Variants in PDE4D observed in about 807,000 individuals in gnomAD.
The protein encoded by PDE4D is phosphodiesterase 4D.
PDE4D carries 24 observed loss-of-function variants against 87.4 expected under a neutral mutation model. That is an observed-to-expected ratio of 0.27 (90% CI 0.20 to 0.39). The LOEUF (loss-of-function observed/expected upper bound fraction) is 0.39, where lower values mean the gene tolerates loss of function less well. Ranked by LOEUF, PDE4D falls within the 10% of genes least tolerant of loss-of-function variation. The probability of loss-of-function intolerance (pLI) is 1.00; values close to 1 mark genes in which losing one functional copy is unlikely to be tolerated. For missense variants in PDE4D, 714 were observed against 1,041.0 expected (o/e 0.69, Z 4.32); for synonymous variants, 384 against 383.2 (o/e 1.00, Z -0.02).
intron 5 of PDE4D, among the ~76,000 whole-genome samples, chr5:59,071,853 A>G: frequency 6.6e-6 from 1 of 151,220 alleles, no homozygotes; most frequent in South Asian, 2.1e-4. Flanking sequence ...CGCCCAGCTA[A>G]TTTTTTTATA....
chr5:59,857,288 G>A lies in PDE4D; in HGVS notation c.455+35880C>T, dbSNP rs149504037. 3.3e-3 allele frequency among the ~76,000 whole-genome samples: 503 copies of A among 152,170 alleles called. 6 individuals carry two copies. Among genetic ancestry groups the A allele is most frequent in the African/African-American group, 0.011 (467 of 41,532 alleles). On this transcript the variant is annotated intron_variant, in intron 1 of 14. Coordinates refer to ENST00000340635, the MANE Select transcript of PDE4D (RefSeq NM_001104631.2). The stretch of plus-strand genomic sequence containing the variant: ...TTGGTATGGAGAATAATATTCTATT[G>A]TTATCACTTTTGTTGTACTTTCTGA...
intron 1 of PDE4D, among the ~76,000 whole-genome samples, chr5:60,306,228 T>C (rs1423843244): frequency 1.3e-5 from 2 of 152,036 alleles, no homozygotes; most frequent in African/African-American, 4.8e-5. Flanking sequence ...CTAAATGGCA[T>C]AGGCTAAAGA....
intron 1 of PDE4D, among the ~76,000 whole-genome samples, chr5:59,732,064 ATAGATCACTGCTG>A (rs1757434335): frequency 6.6e-6 from 1 of 152,214 alleles, no homozygotes. Context: ...ATCTGTCTAG[ATAGATCACTGCTG>A]CGCAAACATC....
intron 1 of PDE4D, among the ~76,000 whole-genome samples, chr5:59,693,684 A>C (rs1751320424): frequency 1.3e-5 from 2 of 152,154 alleles, no homozygotes; most frequent in Admixed American, 1.3e-4. Flanking sequence ...AGTTATTTGC[A>C]AAAAAAGTTA....
At chr5:59,604,060 A>G (rs2150041341) in intron 1 of PDE4D, among the ~76,000 whole-genome samples, 1 of 148,714 alleles carries the variant, frequency 6.7e-6, no homozygotes, top group East Asian at 2.0e-4. Flanking sequence ...TAATTTTAAA[A>G]TTTACTTAGA....
intron 1 of PDE4D, among the ~76,000 whole-genome samples, chr5:59,568,668 G>T (rs1450281071): frequency 6.6e-6 from 1 of 151,994 alleles, no homozygotes; most frequent in Non-Finnish European, 1.5e-5. Flanking sequence ...GTCTAATCAT[G>T]AAAAATCAAT....
intron 1 of PDE4D, among the ~76,000 whole-genome samples, chr5:59,386,090 C>T (rs548683688): frequency 2.6e-5 from 4 of 152,216 alleles, no homozygotes; most frequent in Non-Finnish European, 5.9e-5. Context: ...TCCATTCTCA[C>T]ACCTTTCCTT....
intron 1 of PDE4D, among the ~76,000 whole-genome samples, chr5:59,501,126 T>A (rs964020118): frequency 3.3e-5 from 5 of 152,292 alleles, no homozygotes; most frequent in Non-Finnish European, 4.4e-5. Context: ...CAAAATTATA[T>A]CTTTGAATAC....
intron 1 of PDE4D, among the ~76,000 whole-genome samples, chr5:60,446,011 TA>T (rs1286081077): frequency 6.6e-6 from 1 of 152,076 alleles, no homozygotes; most frequent in Non-Finnish European, 1.5e-5. Context: ...GAAAAATAAG[TA>T]AGGAACATTG....
intron 5 of PDE4D, among the ~76,000 whole-genome samples, chr5:59,170,356 C>A (rs1197790224): frequency 6.6e-6 from 1 of 152,120 alleles, no homozygotes; most frequent in Non-Finnish European, 1.5e-5. Flanking sequence ...GATAATACAA[C>A]ATTTTTGTCA....
intron 5 of PDE4D, among the ~76,000 whole-genome samples, chr5:59,170,870 A>G (rs556436716): frequency 1.3e-5 from 2 of 150,904 alleles, no homozygotes; most frequent in Admixed American, 6.6e-5. Flanking sequence ...ACATGTGTAT[A>G]TATACTTTCA....
intron 1 of PDE4D, among the ~76,000 whole-genome samples, chr5:59,270,848 T>C (rs1444810041): frequency 6.6e-6 from 1 of 152,182 alleles, no homozygotes; most frequent in Non-Finnish European, 1.5e-5. Context: ...AGACTTGGGT[T>C]ACCCCAGCCT....
intron 1 of PDE4D, among the ~76,000 whole-genome samples, chr5:59,874,958 G>C (rs569988292): frequency 1.3e-5 from 2 of 152,088 alleles, no homozygotes; most frequent in Admixed American, 6.6e-5. Context: ...AAGTGCACAG[G>C]GTACAAAAGT....
chr5:59,194,970 G>T (rs2021776), intron 2 of PDE4D, among the ~76,000 whole-genome samples: 41,989 of 151,922 alleles, frequency 0.28, 7,051 homozygotes, highest in African/African-American at 0.47. Flanking sequence ...ATGGTGGGAG[G>T]GGGTTAGTTA....
At chr5:59,315,018 T>A (rs190988670) in intron 1 of PDE4D, among the ~76,000 whole-genome samples, 3 of 152,238 alleles carry the variant, frequency 2.0e-5, no homozygotes, top group African/African-American at 7.2e-5. Context: ...GCCTGGGAAC[T>A]TTAGCTCGTG....
chr5:59,527,158 T>C (rs560329008), intron 1 of PDE4D, among the ~76,000 whole-genome samples: 1 of 152,312 alleles, frequency 6.6e-6, no homozygotes, highest in African/African-American at 2.4e-5. Flanking sequence ...ATGGTGGTTG[T>C]TATGGTGTGT....
intron 2 of PDE4D, among the ~76,000 whole-genome samples, chr5:60,136,715 A>T (rs13160694): frequency 6.6e-6 from 1 of 152,166 alleles, no homozygotes; most frequent in Non-Finnish European, 1.5e-5. Flanking sequence ...CTTGCTAAAC[A>T]AAAACACCTA....
chr5:58,975,592 C>T lies in PDE4D; in HGVS notation c.2013+65G>A. 2 of 1,296,064 alleles carry T rather than the reference C, an allele frequency of 1.5e-6. No individual in the cohort carries two copies. Among genetic ancestry groups the T allele is most frequent in the South Asian group, 2.0e-5 (1 of 49,906 alleles). The allele number at this position is 1,296,064 out of a possible 1,614,324, so 80.3% of individuals were successfully genotyped here. ...CAGTAAAATACTATCATATGTAATA[C>T]AAAGTAACCAAATGCTAAAGCGGTA... On this transcript the variant is annotated intron_variant, in intron 14 of 14. Transcript: ENST00000340635. The surrounding 1 kb of genome is among the most constrained non-coding windows in gnomAD (Gnocchi z 4.2).
At position 60,358,721 on chromosome 5, in the gene PDE4D, C is replaced by T. The variant is rs140934195; in HGVS notation, c.-90+129221G>A. Among the ~76,000 whole-genome samples, 355 of 152,126 alleles carry T rather than the reference C, an allele frequency of 2.3e-3. 2 individuals carry two copies. Among genetic ancestry groups the T allele is most frequent in the African/African-American group, 7.4e-3 (306 of 41,492 alleles). ...CAGCAAAATATAATAGTTAATTTTG[C>T]GCATTATTTAATAAGGTTTCATTCA... On this transcript the variant is annotated intron_variant, in intron 1 of 16. Coordinates refer to the PDE4D transcript ENST00000502484.
Sources: gnomAD v4.1 joint callset for allele counts (sites outside exome capture counted in the v4.1 genomes callset) on GRCh38, gnomAD v4.1.1 for gene constraint, Gnocchi (gnomAD v3.1) non-coding constraint, MANE v1.5 for transcripts, NCBI Gene and HGNC (gene_info 2026-07-23, HGNC 2026-07-21) for gene names.